Variants in SHANK2 observed in about 807,000 individuals in gnomAD.
SHANK2 encodes the protein SH3 and multiple ankyrin repeat domains protein 2.
SHANK2 carries 43 observed loss-of-function variants against 133.7 expected under a neutral mutation model. The ratio of observed to expected loss-of-function variants is 0.32; its 90% CI spans 0.25 to 0.41. The LOEUF (loss-of-function observed/expected upper bound fraction) is 0.41. SHANK2 is among the 10% of genes least tolerant of loss of function. The pLI is 1.00. For synonymous variants in SHANK2, 1,017 were observed against 952.8 expected, an observed-to-expected ratio of 1.07 and a Z score of -1.24; for missense variants, 1,994 against 2,235.8, an observed-to-expected ratio of 0.89 and a Z score of 2.18.
chr11:71,103,659 G>T (rs560613110), intron 6 of SHANK2, among the ~76,000 whole-genome samples: 8 of 152,176 alleles, frequency 5.3e-5, no homozygotes, highest in Non-Finnish European at 2.9e-5. Context: ...CAAATCTCAC[G>T]TGGAGATGTA....
intron 17 of SHANK2, among the ~76,000 whole-genome samples, chr11:70,530,303 G>A (rs1014825056): frequency 1.3e-5 from 2 of 152,226 alleles, no homozygotes; most frequent in South Asian, 2.1e-4. Context: ...TCAAACTTCC[G>A]GGCTGAAACA....
intron 11 of SHANK2, among the ~76,000 whole-genome samples, chr11:70,856,057 G>T (rs2135484450): frequency 6.6e-6 from 1 of 151,764 alleles, no homozygotes; most frequent in South Asian, 2.1e-4. Context: ...ACAGGTGAGT[G>T]AATGGGTGGG....
intron 14 of SHANK2, among the ~76,000 whole-genome samples, chr11:70,797,656 G>A (rs1214109624): frequency 6.6e-6 from 1 of 152,218 alleles, no homozygotes; most frequent in Non-Finnish European, 1.5e-5. Context: ...TTTGGACAGA[G>A]CTCAGAGGCG....
chr11:70,820,078 G>T (rs3017494), intron 12 of SHANK2, among the ~76,000 whole-genome samples: 14 of 152,182 alleles, frequency 9.2e-5, no homozygotes, highest in African/African-American at 2.2e-4. Flanking sequence ...GGACCCGAGA[G>T]GCCAGCAGTA....
In SHANK2 at chr11:70,659,894, C is replaced by T; in HGVS notation, c.1995G>A (p.Leu665=). 6.2e-7 allele frequency: 1 copy of T among 1,614,152 alleles called. No individual in the cohort carries two copies. Among genetic ancestry groups the T allele is most frequent in the Non-Finnish European group, 8.5e-7 (1 of 1,180,022 alleles). The change falls in exon 17 of 26, where the codon CTG becomes CTA. Residue 665 remains leucine (L), a synonymous_variant. Coordinates refer to ENST00000601538, the MANE Select transcript of SHANK2 (RefSeq NM_012309.5). ...CCACCCCACCTTCATCCACGGACTC[C>T]AGGTACTGTAGGGCTGGGAAAGCCG... ...PTPAFPALQY[L]ESVDEGGVAW... is the part of the protein sequence containing the mutation.
chr11:71,185,866 G>A (rs1590999564), intron 2 of SHANK2, among the ~76,000 whole-genome samples: 1 of 152,214 alleles, frequency 6.6e-6, no homozygotes, highest in South Asian at 2.1e-4. Context: ...ACCAATTTGG[G>A]GGGTGGGTGG....
At chr11:71,131,630 G>A (rs185947747) in intron 3 of SHANK2, among the ~76,000 whole-genome samples, 1 of 152,276 alleles carries the variant, frequency 6.6e-6, no homozygotes, top group East Asian at 1.9e-4. Flanking sequence ...ACTCCTTGGG[G>A]GTGACTTAAT....
chr11:70,788,488 A>G (rs1426393142), intron 14 of SHANK2, among the ~76,000 whole-genome samples: 1 of 151,896 alleles, frequency 6.6e-6, no homozygotes, highest in African/African-American at 2.4e-5. Context: ...TGTCCAGCGC[A>G]CTCCTGCTGT....
chr11:70,611,067 T>A (rs1439489709), intron 17 of SHANK2, among the ~76,000 whole-genome samples: 1 of 152,144 alleles, frequency 6.6e-6, no homozygotes, highest in Non-Finnish European at 1.5e-5. Context: ...AAGAGGCAAA[T>A]GCAGCCTTTC....
chr11:71,059,215 C>T (rs1950958468), intron 9 of SHANK2, among the ~76,000 whole-genome samples: 1 of 151,952 alleles, frequency 6.6e-6, no homozygotes, highest in African/African-American at 2.4e-5. Context: ...GAAACTCTGT[C>T]TCGAAAAAAT....
chr11:70,585,402 C>T (rs1035502901), intron 17 of SHANK2, among the ~76,000 whole-genome samples: 7 of 152,288 alleles, frequency 4.6e-5, no homozygotes, highest in South Asian at 2.1e-4. Context: ...AGCAGCCAGT[C>T]GGTAAAGCTG....
At chr11:70,824,651 T>C (rs1555056848) in intron 11 of SHANK2, among the ~76,000 whole-genome samples, 1 of 152,250 alleles carries the variant, frequency 6.6e-6, no homozygotes, top group African/African-American at 2.4e-5. Context: ...GTCTGTTTTG[T>C]TGGTCTTGAG....
chr11:70,615,242 C>T (rs547624783), intron 17 of SHANK2, among the ~76,000 whole-genome samples: 1 of 152,248 alleles, frequency 6.6e-6, no homozygotes, highest in East Asian at 1.9e-4. Context: ...GCAGCCCACA[C>T]CCCGCTCCTC....
At chr11:70,922,818 A>G (rs1950369866) in intron 10 of SHANK2, among the ~76,000 whole-genome samples, 1 of 152,202 alleles carries the variant, frequency 6.6e-6, no homozygotes, top group Non-Finnish European at 1.5e-5. Context: ...GTGAGTTTCT[A>G]AACGTGTTAC....
At chr11:70,599,881 A>AAG (rs1192349965) in intron 17 of SHANK2, among the ~76,000 whole-genome samples, 1 of 97,258 alleles carries the variant, frequency 1.0e-5, no homozygotes, top group Non-Finnish European at 2.0e-5. Context: ...GAAAGAAAGA[A>AAG]AGAAAGAAAA....
At chr11:70,507,496 C>T (rs1554968608) in intron 17 of SHANK2, among the ~76,000 whole-genome samples, 1 of 152,212 alleles carries the variant, frequency 6.6e-6, no homozygotes, top group African/African-American at 2.4e-5. Flanking sequence ...GAATCTTTCC[C>T]CTGCAGAGGG....
chr11:70,487,364 A>T lies in SHANK2; in HGVS notation c.2929T>A (p.Phe977Ile), dbSNP rs2058825552. The T allele has an allele frequency of 6.2e-7, 1 of 1,614,070 alleles. No homozygotes were observed. Among genetic ancestry groups the T allele is most frequent in the Non-Finnish European group, 8.5e-7 (1 of 1,180,014 alleles). ...YSRNAGPQANFRNKRGQMPEN... is the reference protein window; with the variant it reads ...YSRNAGPQANIRNKRGQMPEN... ...GGCATCTGGCCTCTCTTGTTGCGGAAGTTGGCTTGCGGGCCGGCATTCCGA... is the reference window on the plus strand; with the variant it reads ...GGCATCTGGCCTCTCTTGTTGCGGATGTTGGCTTGCGGGCCGGCATTCCGA... Residue 977 changes from phenylalanine to isoleucine, a missense_variant, in exon 25 of 26, where the codon TTC becomes ATC. Around this residue, in one of 5 missense-constraint regions of SHANK2, gnomAD observed 488 missense variants for 642.6 expected, o/e 0.76. Transcript: ENST00000601538. This position sits in a 1 kb window ranked among gnomAD's most constrained non-coding sequence, Gnocchi z 5.8.
chr11:70,747,397 T>C (rs1343663787), intron 14 of SHANK2, among the ~76,000 whole-genome samples: 1 of 152,292 alleles, frequency 6.6e-6, no homozygotes, highest in Non-Finnish European at 1.5e-5. Flanking sequence ...GGAAAAGTCT[T>C]TTCATGGCCT....
chr11:71,113,264 G>A (rs1195694557), intron 5 of SHANK2, 29 bp downstream of exon 5: 37 of 1,543,444 alleles, frequency 2.4e-5, no homozygotes, highest in East Asian at 1.5e-4. Flanking sequence ...CCTGCCTAAC[G>A]TGTAAATAAC....
Sources: allele counts gnomAD v4.1 joint callset (sites outside exome capture counted in the v4.1 genomes callset), GRCh38; gene constraint gnomAD v4.1.1; regional missense constraint gnomAD v4.1.1; non-coding constraint Gnocchi (gnomAD v3.1); transcripts MANE v1.5; gene names NCBI Gene and HGNC (gene_info 2026-07-23, HGNC 2026-07-21).